GNA15: variants seen among roughly 807,000 people sequenced by gnomAD.
GNA15 encodes guanine nucleotide-binding protein subunit alpha-15.
GNA15 carries 23 observed loss-of-function variants against 40.1 expected under a neutral mutation model. The ratio of observed to expected loss-of-function variants is 0.57; its 90% CI spans 0.41 to 0.81. The LOEUF (loss-of-function observed/expected upper bound fraction) is 0.81. Ranked by LOEUF, GNA15 falls within the 40% of genes least tolerant of loss-of-function variation. The probability of loss-of-function intolerance (pLI) is 0.00; values close to 1 mark genes in which losing one functional copy is unlikely to be tolerated. For synonymous variants in GNA15, 226 were observed against 210.4 expected (o/e 1.07, Z -0.64); for missense variants, 522 against 515.8 (o/e 1.01, Z -0.12).
In GNA15 at chr19:3,136,105, G is replaced by A. The variant is rs1418833941; in HGVS notation, c.-346G>A. On this transcript the variant is annotated 5_prime_UTR_variant, in exon 1 of 7. Coordinates refer to ENST00000262958, the MANE Select transcript of GNA15 (RefSeq NM_002068.4). This position sits in a 1 kb window ranked among gnomAD's most constrained non-coding sequence, Gnocchi z 4.9. ...GTGGGGGTTTTCCCGCCACCGCCCC[G>A]CCCTCCCTGGGGCCCCCACCTCACC... 10 of 162,548 alleles carry A rather than the reference G, an allele frequency of 6.2e-5. No individual in the cohort carries two copies. In the East Asian group the frequency reaches 6.2e-4, roughly 10 times the overall value. 10.1% of individuals were successfully genotyped at this position (162,548 alleles called of 1,614,324 possible). A position where few individuals can be genotyped will look rare whatever the true frequency, so the allele number is the denominator to read the frequency against.
At chr19:3,144,127 C>A (rs1305860970) in intron 1 of GNA15, among the ~76,000 whole-genome samples, 23 of 124,858 alleles carry the variant, frequency 1.8e-4, no homozygotes, top group South Asian at 2.6e-4. Context: ...GACTCCCTCT[C>A]AAAAAAAAAA....
chr19:3,137,883 C>T (rs1167478368), intron 1 of GNA15, among the ~76,000 whole-genome samples: 1 of 149,888 alleles, frequency 6.7e-6, no homozygotes, highest in Non-Finnish European at 1.5e-5. Flanking sequence ...ATCGCTTGAA[C>T]CCAGGAGGCA....
intron 4 of GNA15, among the ~76,000 whole-genome samples, chr19:3,153,124 C>T (rs539261294): frequency 1.1e-4 from 16 of 152,122 alleles, no homozygotes; most frequent in Admixed American, 6.5e-4. Context: ...ACACTTACTG[C>T]GAAGGTCTGC....
chr19:3,149,727 AC>A (rs1914831869), intron 2 of GNA15: 1 of 162,642 alleles, frequency 6.1e-6, no homozygotes, highest in South Asian at 1.6e-4. Flanking sequence ...CTCAGGGTTC[AC>A]GCGCCTCTGG....
chr19:3,155,962 C>T lies in GNA15; in HGVS notation c.744+10C>T, dbSNP rs1165062840. The stretch of plus-strand genomic sequence containing the variant: ...GGAGAACAACCAGGAGGTGCGCCAC[C>T]GCCTCCCTCGCCCTGCCCACTTGTT... On this transcript the variant is annotated intron_variant, in intron 5 of 6. Coordinates refer to ENST00000262958, the MANE Select transcript of GNA15 (RefSeq NM_002068.4). The surrounding 1 kb of genome is among the most constrained non-coding windows in gnomAD (Gnocchi z 5.6). The T allele has an allele frequency of 1.9e-6, 3 of 1,612,736 alleles. No individual in the cohort carries two copies. Among genetic ancestry groups the T allele is most frequent in the Admixed American group, 1.7e-5 (1 of 59,930 alleles).
In GNA15 at chr19:3,155,665, C is replaced by T. The variant is rs1362762609; in HGVS notation, c.615-158C>T. Among the ~76,000 whole-genome samples the T allele has an allele frequency of 6.6e-6, 1 of 152,148 alleles. No individual in the cohort carries two copies. The highest frequency in any genetic ancestry group is 1.9e-4 in the East Asian group (1 of 5,186). On this transcript the variant is annotated intron_variant, in intron 4 of 6. Coordinates refer to ENST00000262958, the MANE Select transcript of GNA15 (RefSeq NM_002068.4). This position sits in a 1 kb window ranked among gnomAD's most constrained non-coding sequence, Gnocchi z 5.6. The stretch of plus-strand genomic sequence containing the variant: ...CTGTAAAATGGGCGTAAGACTCATC[C>T]TTGCCTCGCGGGAATGACATGGCAA...
At position 3,151,005 on chromosome 19, in the gene GNA15, G is replaced by A. The variant is rs1182628735; in HGVS notation, c.486-702G>A. Among the ~76,000 whole-genome samples, 2 of 151,750 alleles carry A rather than the reference G, an allele frequency of 1.3e-5. No individual in the cohort carries two copies. Among genetic ancestry groups the A allele is most frequent in the African/African-American group, 2.4e-5 (1 of 41,292 alleles). ...TTCCTAGGGGTGATCCTGTTCCTGG[G>A]GGGACTGTATTCCTAGAGTGACCCT... On this transcript the variant is annotated intron_variant, in intron 3 of 6. Coordinates refer to ENST00000262958, the MANE Select transcript of GNA15 (RefSeq NM_002068.4). The surrounding 1 kb of genome is among the most constrained non-coding windows in gnomAD (Gnocchi z 5.0).
At chr19:3,146,793 T>G (rs1265458794) in intron 1 of GNA15, among the ~76,000 whole-genome samples, 1 of 151,344 alleles carries the variant, frequency 6.6e-6, no homozygotes, top group Non-Finnish European at 1.5e-5. Flanking sequence ...AGCACCTGAG[T>G]CAGGGCCAGT....
rs758505570 is a variant in GNA15 at position 3,150,280 on chromosome 19, C to G, written c.480C>G (p.Ala160=). ...GGGAATTCCACCTGCTCGATTCAGC[C>G]GTGTAGTGAGTCTGGGGTCTGCGGG... ...RRREFHLLDS[A]VYYLSHLERI... is the part of the protein sequence containing the mutation. Residue 160 remains alanine (A), a synonymous_variant, in exon 3 of 7, where the codon GCC becomes GCG. Coordinates refer to ENST00000262958, the MANE Select transcript of GNA15 (RefSeq NM_002068.4). 1.9e-6 allele frequency: 3 copies of G among 1,585,748 alleles called. No homozygotes were observed. The highest frequency in any genetic ancestry group is 2.6e-6 in the Non-Finnish European group (3 of 1,165,750).
chr19:3,151,332 C>T lies in GNA15; in HGVS notation c.486-375C>T, dbSNP rs1412676070. Among the ~76,000 whole-genome samples the T allele has an allele frequency of 1.3e-5, 2 of 152,086 alleles. No individual in the cohort carries two copies. The highest frequency in any genetic ancestry group is 2.9e-5 in the Non-Finnish European group (2 of 67,982). ...GGGGTGACCCTATTCCTAGTGGGAT[C>T]CTGTACTAGGTGTGATGGTGGATGT... On this transcript the variant is annotated intron_variant, in intron 3 of 6. Coordinates refer to ENST00000262958, the MANE Select transcript of GNA15 (RefSeq NM_002068.4). This position sits in a 1 kb window ranked among gnomAD's most constrained non-coding sequence, Gnocchi z 5.0.
rs1476649836 is a variant in GNA15 at position 3,163,366 on chromosome 19, C to A, written c.*347C>A. On this transcript the variant is annotated 3_prime_UTR_variant, in exon 7 of 7. Transcript: ENST00000262958. The stretch of plus-strand genomic sequence containing the variant: ...GCCCCATCTCCGGGCGTGTCACCTC[C>A]TGGGCAGGGTTCTGGGACCCTCTGT... 2.7e-6 allele frequency: 1 copy of A among 368,148 alleles called. No homozygotes were observed. The highest frequency in any genetic ancestry group is 2.1e-5 in the African/African-American group (1 of 47,998). The allele number at this position is 368,148 out of a possible 1,614,324, so 22.8% of individuals were successfully genotyped here.
At chr19:3,152,146 G>T (rs530685519) in intron 4 of GNA15, among the ~76,000 whole-genome samples, 1 of 152,310 alleles carries the variant, frequency 6.6e-6, no homozygotes, top group Admixed American at 6.5e-5. Flanking sequence ...GGCTGCTGGG[G>T]AGGAGGAAAT....
At chr19:3,154,497 T>G (rs903211308) in intron 4 of GNA15, among the ~76,000 whole-genome samples, 1 of 150,208 alleles carries the variant, frequency 6.7e-6, no homozygotes, top group African/African-American at 2.5e-5. Flanking sequence ...GGTGGATGGA[T>G]GGATGGATGA....
intron 1 of GNA15, among the ~76,000 whole-genome samples, chr19:3,147,103 A>T (rs963221186): frequency 6.6e-6 from 1 of 152,038 alleles, no homozygotes; most frequent in African/African-American, 2.4e-5. Context: ...ACTGCTCACA[A>T]ATCACTTCCA....
At chr19:3,156,684 G>A (rs2144861241) in intron 5 of GNA15, among the ~76,000 whole-genome samples, 1 of 152,192 alleles carries the variant, frequency 6.6e-6, no homozygotes, top group Non-Finnish European at 1.5e-5. Flanking sequence ...TCTTAGAAGA[G>A]AGGGGGTTTC....
chr19:3,141,407 TA>T (rs200704219), intron 1 of GNA15, among the ~76,000 whole-genome samples: 2 of 152,018 alleles, frequency 1.3e-5, no homozygotes, highest in African/African-American at 2.4e-5. Flanking sequence ...TTTTTATTTT[TA>T]TTTTTGAGAC....
chr19:3,158,172 A>G (rs1915072450), intron 6 of GNA15, among the ~76,000 whole-genome samples: 1 of 152,124 alleles, frequency 6.6e-6, no homozygotes, highest in African/African-American at 2.4e-5. Flanking sequence ...TATTTTTGAG[A>G]CAGAGTCTTG....
intron 1 of GNA15, chr19:3,143,006 C>T (rs1042121442): frequency 2.8e-4 from 43 of 152,194 alleles, no homozygotes; most frequent in African/African-American, 8.4e-4. Flanking sequence ...AAGGAGCTGT[C>T]GAGCCTCCCA....
intron 4 of GNA15, among the ~76,000 whole-genome samples, chr19:3,154,542 G>A (rs1313335904): frequency 1.3e-5 from 2 of 151,270 alleles, no homozygotes; most frequent in African/African-American, 4.9e-5. Flanking sequence ...GTCGGTGGGT[G>A]GATTTCGTAA....
Sources: allele counts gnomAD v4.1 joint callset (sites outside exome capture counted in the v4.1 genomes callset), GRCh38; gene constraint gnomAD v4.1.1; non-coding constraint Gnocchi (gnomAD v3.1); transcripts MANE v1.5; gene names NCBI Gene and HGNC (gene_info 2026-07-23, HGNC 2026-07-21).